The following TP63 variants were observed in gnomAD, a reference collection of about 807,000 sequenced individuals.
The protein encoded by TP63 is tumor protein p63, also known as tumor protein 63.
TP63 carries 17 observed loss-of-function variants against 82.8 expected under a neutral mutation model. The ratio of observed to expected loss-of-function variants is 0.21; its 90% CI spans 0.14 to 0.31. The LOEUF is 0.31. Among genes scored for constraint, TP63 ranks in the 10% least tolerant of loss-of-function variants. TP63 has a pLI of 1.00. For missense variants in TP63, 648 were observed against 895.3 expected (o/e 0.72, Z 3.52); for synonymous variants, 330 against 321.7 (o/e 1.03, Z -0.28).
At chr3:189,701,724 C>T (rs76514956) in intron 1 of TP63, among the ~76,000 whole-genome samples, 5,381 of 151,670 alleles carry the variant, frequency 0.035, 135 homozygotes, top group Non-Finnish European at 0.054. Context: ...TCTGATAAGG[C>T]GCTCCATTCC....
intron 2 of TP63, 95 bp downstream of exon 2, chr3:189,737,963 A>C: frequency 6.7e-7 from 1 of 1,483,938 alleles, no homozygotes. Context: ...TTTTTCTAGA[A>C]TCAGTAGAAG....
At chr3:189,735,848 T>A (rs1000940505) in intron 1 of TP63, among the ~76,000 whole-genome samples, 1 of 152,006 alleles carries the variant, frequency 6.6e-6, no homozygotes, top group Non-Finnish European at 1.5e-5. Context: ...TACACACACA[T>A]ATATATATAC....
intron 3 of TP63, among the ~76,000 whole-genome samples, chr3:189,754,743 G>A (rs528256418): frequency 2.5e-4 from 38 of 152,234 alleles, no homozygotes; most frequent in Admixed American, 1.1e-3. Flanking sequence ...TACAAAGAAA[G>A]CATCTCTATT....
At position 189,872,906 on chromosome 3, in the gene TP63, C is replaced by A. The variant is rs753497759; in HGVS notation, c.1260C>A (p.Ser420=). Residue 420 remains serine (S), a synonymous_variant, in exon 10 of 14, where the codon TCC becomes TCA. Coordinates refer to ENST00000264731, the MANE Select transcript of TP63 (RefSeq NM_003722.5). ...TYEMLLKIKE[S]LELMQYLPQH... ...AAATGCTGTTGAAGATCAAAGAGTC[C>A]CTGGAACTCATGCAGTACCTTCCTC... 1 of 1,614,068 alleles carries A rather than the reference C, an allele frequency of 6.2e-7. No individual in the cohort carries two copies. The highest frequency in any genetic ancestry group is 1.1e-5 in the South Asian group (1 of 91,078).
intron 1 of TP63, among the ~76,000 whole-genome samples, chr3:189,713,508 C>A (rs931968365): frequency 2.6e-5 from 4 of 152,160 alleles, no homozygotes; most frequent in African/African-American, 9.7e-5. Context: ...TGTACTTCAT[C>A]TCCAATGAAC....
chr3:189,829,647 C>G (rs751345381), intron 4 of TP63, among the ~76,000 whole-genome samples: 1 of 152,058 alleles, frequency 6.6e-6, no homozygotes, highest in African/African-American at 2.4e-5. Context: ...TAGAGTCTGG[C>G]GAGGACTTAG....
intron 4 of TP63, among the ~76,000 whole-genome samples, chr3:189,815,492 A>G (rs895743218): frequency 6.6e-6 from 1 of 152,176 alleles, no homozygotes. Flanking sequence ...TAGACCTAGT[A>G]TTAAAATATT....
intron 1 of TP63, among the ~76,000 whole-genome samples, chr3:189,639,677 G>A (rs1432067477): frequency 6.6e-6 from 1 of 152,038 alleles, no homozygotes; most frequent in Non-Finnish European, 1.5e-5. Flanking sequence ...GGCAAAACCA[G>A]CATCATCATA....
chr3:189,701,524 T>TATATATAC (rs1553815857), intron 1 of TP63, among the ~76,000 whole-genome samples: 4 of 23,498 alleles, frequency 1.7e-4, no homozygotes, highest in African/African-American at 8.5e-4. Context: ...TATATATACA[T>TATATATAC]ATATATATAT....
intron 4 of TP63, among the ~76,000 whole-genome samples, chr3:189,821,618 A>C (rs888695334): frequency 6.6e-6 from 1 of 152,200 alleles, no homozygotes; most frequent in African/African-American, 2.4e-5. Flanking sequence ...CCCAACTAAC[A>C]GATTTTCTGT....
chr3:189,816,585 A>T (rs1577023147), intron 4 of TP63, among the ~76,000 whole-genome samples: 1 of 152,210 alleles, frequency 6.6e-6, no homozygotes, highest in African/African-American at 2.4e-5. Context: ...TGGTATGTCT[A>T]GTCAGGTCAC....
chr3:189,734,777 A>G (rs1720451177), intron 1 of TP63, among the ~76,000 whole-genome samples: 1 of 152,098 alleles, frequency 6.6e-6, no homozygotes, highest in Non-Finnish European at 1.5e-5. Context: ...AGAGTGAGGG[A>G]TTAAGGGGTT....
At chr3:189,680,790 T>C (rs1326840875) in intron 1 of TP63, among the ~76,000 whole-genome samples, 1 of 152,118 alleles carries the variant, frequency 6.6e-6, no homozygotes, top group Non-Finnish European at 1.5e-5. Context: ...ATGGAGGCTG[T>C]CCTGAAGCCT....
At position 189,895,269 on chromosome 3, in the gene TP63, T is replaced by C. The variant is rs548590469; in HGVS notation, c.*767T>C. 4.5e-6 allele frequency: 1 copy of C among 221,628 alleles called. No individual in the cohort carries two copies. The highest frequency in any genetic ancestry group is 1.8e-4 in the South Asian group (1 of 5,436). 13.7% of individuals were successfully genotyped at this position (221,628 alleles called of 1,614,324 possible). On this transcript the variant is annotated 3_prime_UTR_variant, in exon 14 of 14. Coordinates refer to ENST00000264731, the MANE Select transcript of TP63 (RefSeq NM_003722.5). ...GAAGTTCATGTCCAAACGTCCTCTT[T>C]AGTTTTTGGTTGGGAATGAGGAAAA...
At chr3:189,884,599 A>G (rs1720251608) in intron 10 of TP63, among the ~76,000 whole-genome samples, 1 of 152,238 alleles carries the variant, frequency 6.6e-6, no homozygotes, top group Admixed American at 6.5e-5. Flanking sequence ...GAAAATGTAC[A>G]AAGAAGAGTT....
intron 1 of TP63, among the ~76,000 whole-genome samples, chr3:189,733,333 T>C (rs1255141501): frequency 2.0e-5 from 3 of 152,238 alleles, no homozygotes; most frequent in African/African-American, 7.2e-5. Flanking sequence ...GCCTTGGTCT[T>C]TATTATTGAA....
At position 189,658,656 on chromosome 3, in the gene TP63, G is replaced by A. The variant is rs75513872; in HGVS notation, c.62+27079G>A. On this transcript the variant is annotated intron_variant, in intron 1 of 13. Transcript: ENST00000264731. ...TCAGTTAAGGGGCATTCTACAAAAT[G>A]TGTGACTAGTGCTCCTCAAAATTTT... 5.6e-3 allele frequency among the ~76,000 whole-genome samples: 850 copies of A among 152,164 alleles called. 8 individuals carry two copies. Among genetic ancestry groups the A allele is most frequent in the African/African-American group, 0.019 (797 of 41,562 alleles).
intron 3 of TP63, among the ~76,000 whole-genome samples, chr3:189,761,667 C>T (rs749033233): frequency 2.6e-5 from 4 of 152,164 alleles, no homozygotes; most frequent in East Asian, 1.9e-4. Context: ...GTTGCTTCCA[C>T]GTTTTTGGGT....
chr3:189,711,175 A>G (rs1488361889), intron 1 of TP63, among the ~76,000 whole-genome samples: 2 of 152,142 alleles, frequency 1.3e-5, no homozygotes, highest in Non-Finnish European at 2.9e-5. Flanking sequence ...AGGAACCATT[A>G]CTTAATCATT....
Sources: gnomAD v4.1 joint callset for allele counts (sites outside exome capture counted in the v4.1 genomes callset) on GRCh38, gnomAD v4.1.1 for gene constraint, MANE v1.5 for transcripts, NCBI Gene and HGNC (gene_info 2026-07-23, HGNC 2026-07-21) for gene names.